Variants in DPP6 observed in about 807,000 individuals in gnomAD.
DPP6 encodes the protein A-type potassium channel modulatory protein DPP6.
A neutral mutation model predicts 122.6 loss-of-function variants in DPP6; 69 were observed. That is an observed-to-expected ratio of 0.56 (90% CI 0.46 to 0.69). The LOEUF (loss-of-function observed/expected upper bound fraction) is 0.69, where lower values mean the gene tolerates loss of function less well. DPP6 is among the 30% of genes least tolerant of loss of function. The probability of loss-of-function intolerance (pLI) is 0.00; values close to 1 mark genes in which losing one functional copy is unlikely to be tolerated. For synonymous variants in DPP6, 418 were observed against 433.1 expected (o/e 0.97, Z 0.43); for missense variants, 928 against 1,116.9 (o/e 0.83, Z 2.41).
chr7:153,836,657 A>G, the DPP6 span, among the ~76,000 whole-genome samples: 1 of 152,232 alleles, frequency 6.6e-6, no homozygotes, highest in African/African-American at 2.4e-5. Context: ...CTTTCTCTCA[A>G]TATTTTTCAT....
intron 3 of DPP6, among the ~76,000 whole-genome samples, chr7:154,524,678 G>C (rs1827261257): frequency 6.6e-6 from 1 of 152,154 alleles, no homozygotes; most frequent in South Asian, 2.1e-4. Flanking sequence ...CTGTGTAAGA[G>C]CTTTTTAAGC....
At chr7:153,805,104 A>G in the DPP6 span, among the ~76,000 whole-genome samples, 1 of 152,212 alleles carries the variant, frequency 6.6e-6, no homozygotes, top group African/African-American at 2.4e-5. Flanking sequence ...ATATGTGGCA[A>G]AAATCATCAG....
Position 153,978,631 on chromosome 7 carries a change from A to C in DPP6, c.51+90897A>C, listed in dbSNP as rs561420999. 4.2e-3 allele frequency among the ~76,000 whole-genome samples: 637 copies of C among 151,960 alleles called. 4 individuals carry two copies. Among genetic ancestry groups the C allele is most frequent in the African/African-American group, 0.014 (591 of 41,272 alleles). On this transcript the variant is annotated intron_variant, in intron 1 of 25. Coordinates refer to the DPP6 transcript ENST00000404039. ...TTTAGTCAGGAAGACTTTGCCCATGACTATGTCATGAATGGTATTGCCTAG... is the reference window on the plus strand; with the variant it reads ...TTTAGTCAGGAAGACTTTGCCCATGCCTATGTCATGAATGGTATTGCCTAG...
chr7:154,400,835 G>A (rs1210215111), intron 1 of DPP6, among the ~76,000 whole-genome samples: 1 of 152,082 alleles, frequency 6.6e-6, no homozygotes, highest in Non-Finnish European at 1.5e-5. Context: ...GACCTTTCTT[G>A]TCTTCACTGT....
At chr7:154,217,025 G>A (rs958363497) in intron 1 of DPP6, among the ~76,000 whole-genome samples, 3 of 151,906 alleles carry the variant, frequency 2.0e-5, no homozygotes, top group African/African-American at 7.3e-5. Flanking sequence ...CCCACAAAAG[G>A]TGAGAGAAAT....
intron 1 of DPP6, among the ~76,000 whole-genome samples, chr7:154,333,053 T>A (rs1179872457): frequency 1.3e-5 from 2 of 152,162 alleles, no homozygotes; most frequent in Non-Finnish European, 2.9e-5. Context: ...CCAGCTCCCG[T>A]CTCAGAGAAG....
intron 1 of DPP6, among the ~76,000 whole-genome samples, chr7:154,246,623 C>G (rs1802001701): frequency 6.6e-6 from 1 of 152,090 alleles, no homozygotes; most frequent in African/African-American, 2.4e-5. Flanking sequence ...CTTCCACAAC[C>G]TATTTTCAAG....
At chr7:154,097,000 G>A (rs1805367799) in intron 1 of DPP6, among the ~76,000 whole-genome samples, 1 of 152,254 alleles carries the variant, frequency 6.6e-6, no homozygotes. Context: ...TATTCACCGT[G>A]TGCTCCCCTT....
At chr7:153,915,058 G>A (rs10260433) in intron 1 of DPP6, among the ~76,000 whole-genome samples, 136,533 of 152,306 alleles carry the variant, frequency 0.9, 61,436 homozygotes, top group East Asian at 1. Flanking sequence ...TCTGCTGTAC[G>A]TGTGATTTCT....
chr7:154,142,718 A>G (rs2150665460), intron 1 of DPP6, among the ~76,000 whole-genome samples: 1 of 151,908 alleles, frequency 6.6e-6, no homozygotes, highest in East Asian at 1.9e-4. Context: ...AAATTAAATT[A>G]ATATGACCTT....
chr7:153,990,461 A>G (rs1439458106), intron 1 of DPP6, among the ~76,000 whole-genome samples: 2 of 139,714 alleles, frequency 1.4e-5, no homozygotes, highest in South Asian at 4.9e-4. Context: ...ATCAGTTTCA[A>G]TACACAGTTA....
chr7:154,355,706 C>T (rs1365964688), intron 1 of DPP6, among the ~76,000 whole-genome samples: 1 of 152,090 alleles, frequency 6.6e-6, no homozygotes, highest in African/African-American at 2.4e-5. Context: ...TATCTGTTCC[C>T]CTGGTTTGTT....
intron 1 of DPP6, chr7:154,027,154 TA>T (rs1377443833): frequency 4.0e-5 from 6 of 148,812 alleles, no homozygotes; most frequent in African/African-American, 1.2e-4. Flanking sequence ...TGAGTACTTT[TA>T]AAAAATATGA....
At chr7:154,524,052 G>A (rs1395686077) in intron 3 of DPP6, among the ~76,000 whole-genome samples, 1 of 152,180 alleles carries the variant, frequency 6.6e-6, no homozygotes, top group Non-Finnish European at 1.5e-5. Flanking sequence ...TCTTCTGAAA[G>A]GTGGAACTCT....
chr7:154,661,866 A>G (rs529889872), intron 6 of DPP6, among the ~76,000 whole-genome samples: 10 of 150,154 alleles, frequency 6.7e-5, no homozygotes, highest in South Asian at 2.1e-4. Flanking sequence ...TAGTGTTCAT[A>G]TAGTCATGGT....
At chr7:154,824,368 C>A (rs563261089) in intron 16 of DPP6, among the ~76,000 whole-genome samples, 2 of 152,320 alleles carry the variant, frequency 1.3e-5, no homozygotes, top group Admixed American at 1.3e-4. Flanking sequence ...CAACCTCTGC[C>A]TCCCGGGTTC....
rs1267188375 is a variant in DPP6, at chr7:154,687,545, G to C, written c.762+18104G>C. 5.3e-5 allele frequency among the ~76,000 whole-genome samples: 8 copies of C among 152,144 alleles called. No homozygotes were observed. The East Asian group carries it at 1.2e-3, about 22-fold the overall frequency. On this transcript the variant is annotated intron_variant, in intron 7 of 25. Transcript: ENST00000377770. ...TTTTAACCTATTTTTCCTTCGGGTTGTTTGCCCCTTTCTTATTGATGCGCA... is the reference window on the plus strand; with the variant it reads ...TTTTAACCTATTTTTCCTTCGGGTTCTTTGCCCCTTTCTTATTGATGCGCA...
In DPP6 at chr7:154,399,735, G is replaced by A. The variant is rs183810918; in HGVS notation, c.244-46479G>A. On this transcript the variant is annotated intron_variant, in intron 1 of 25. Coordinates refer to ENST00000377770, the MANE Select transcript of DPP6 (RefSeq NM_130797.4). ...CAGAGAGGTGGATGCATGGGAGAAC[G>A]CAGGGGTGGGGGAGGGACCCATCAG... 6.6e-5 allele frequency among the ~76,000 whole-genome samples: 10 copies of A among 152,222 alleles called. No individual in the cohort carries two copies. The East Asian group carries it at 1.7e-3, about 26-fold the overall frequency.
chr7:154,063,770 T>A (rs1802473140), intron 1 of DPP6, among the ~76,000 whole-genome samples: 1 of 151,590 alleles, frequency 6.6e-6, no homozygotes. Context: ...CTCAGATCCT[T>A]AGGACCCACC....
Sources: gnomAD v4.1 joint callset for allele counts (sites outside exome capture counted in the v4.1 genomes callset) on GRCh38, gnomAD v4.1.1 for gene constraint, MANE v1.5 for transcripts, NCBI Gene and HGNC (gene_info 2026-07-23, HGNC 2026-07-21) for gene names.